Variants in FLT3 observed in about 807,000 individuals in gnomAD.
FLT3 encodes the protein fms related receptor tyrosine kinase 3.
FLT3 carries 46 observed loss-of-function variants against 126.6 expected under a neutral mutation model. The observed-to-expected ratio is 0.36, with a 90% CI of 0.29 to 0.46. FLT3 has a LOEUF of 0.46. Ranked by LOEUF, FLT3 falls within the 20% of genes least tolerant of loss-of-function variation. The probability of loss-of-function intolerance (pLI) is 1.00; values close to 1 mark genes in which losing one functional copy is unlikely to be tolerated. For missense variants in FLT3, 1,069 were observed against 1,190.3 expected, an observed-to-expected ratio of 0.90 and a Z score of 1.50; for synonymous variants, 404 against 434.4, an observed-to-expected ratio of 0.93 and a Z score of 0.87.
chr13:28,030,299 C>A (rs552836806), intron 15 of FLT3, among the ~76,000 whole-genome samples: 1 of 152,306 alleles, frequency 6.6e-6, no homozygotes, highest in African/African-American at 2.4e-5. Flanking sequence ...GGATTCGGGG[C>A]TTTACTTGTT....
intron 5 of FLT3, among the ~76,000 whole-genome samples, chr13:28,052,248 C>T (rs1257871310): frequency 1.3e-5 from 2 of 151,576 alleles, no homozygotes; most frequent in Non-Finnish European, 2.9e-5. Context: ...GTGCCTGCCA[C>T]CACACCCAGT....
chr13:28,078,410 C>T (rs1878103562), intron 1 of FLT3, among the ~76,000 whole-genome samples: 1 of 152,256 alleles, frequency 6.6e-6, no homozygotes, highest in Admixed American at 6.5e-5. Context: ...AGGCTTGTAG[C>T]TTCCACCCTC....
At chr13:28,040,662 G>T (rs540707952) in intron 9 of FLT3, among the ~76,000 whole-genome samples, 48 of 152,272 alleles carry the variant, frequency 3.2e-4, no homozygotes, top group African/African-American at 9.9e-4. Flanking sequence ...GTGAACAAGA[G>T]AATTCATCTC....
At chr13:28,062,237 T>C (rs1334597012) in intron 2 of FLT3, among the ~76,000 whole-genome samples, 168 bp from the exon 3 acceptor site, 1 of 152,170 alleles carries the variant, frequency 6.6e-6, no homozygotes, top group Admixed American at 6.5e-5. Flanking sequence ...TCCTATTAAT[T>C]ATAATTCTCT....
chr13:28,079,960 C>A (rs898275041), intron 1 of FLT3, among the ~76,000 whole-genome samples: 10 of 152,170 alleles, frequency 6.6e-5, no homozygotes, highest in Non-Finnish European at 1.3e-4. Flanking sequence ...CTCTTTTTCA[C>A]AATCATGTCT....
intron 17 of FLT3, chr13:28,025,476 C>A: frequency 2.5e-6 from 1 of 398,572 alleles, no homozygotes; most frequent in Non-Finnish European, 4.9e-6. Flanking sequence ...AAATTCTTCC[C>A]TGAGGAGCTC....
chr13:28,076,089 A>C (rs922922153), intron 1 of FLT3, among the ~76,000 whole-genome samples: 3 of 152,146 alleles, frequency 2.0e-5, no homozygotes, highest in African/African-American at 7.2e-5. Context: ...GAGCCACTGC[A>C]CATGGCCCTT....
intron 1 of FLT3, among the ~76,000 whole-genome samples, chr13:28,091,202 A>ATTTTTTTT (rs1216841402): frequency 2.9e-5 from 1 of 34,144 alleles, no homozygotes; most frequent in African/African-American, 1.2e-4. Flanking sequence ...TTTGGGCCCC[A>ATTTTTTTT]TTTTCTTTTT....
intron 1 of FLT3, among the ~76,000 whole-genome samples, chr13:28,097,565 C>T (rs1879538962): frequency 6.6e-6 from 1 of 152,188 alleles, no homozygotes; most frequent in South Asian, 2.1e-4. Context: ...GGATAATTTA[C>T]TATAGATAGA....
At chr13:28,080,046 A>G (rs997970496) in intron 1 of FLT3, among the ~76,000 whole-genome samples, 1 of 152,222 alleles carries the variant, frequency 6.6e-6, no homozygotes. Context: ...ATCCACCCCC[A>G]GGACCCAAAC....
chr13:28,014,365 A>G, intron 23 of FLT3, 87 bp downstream of exon 23: 1 of 940,340 alleles, frequency 1.1e-6, no homozygotes, highest in South Asian at 1.4e-5. Flanking sequence ...ACAACTTGGT[A>G]CCTTTGGTTC....
chr13:28,070,449 T>G (rs116014403), intron 2 of FLT3, 42 bp downstream of exon 2: 5 of 1,567,618 alleles, frequency 3.2e-6, no homozygotes, highest in Non-Finnish European at 4.4e-6. Context: ...TTACGTTCTC[T>G]AGAGAAAAAC....
chr13:28,034,944 C>CAAAAAAAA (rs34049926), intron 12 of FLT3, among the ~76,000 whole-genome samples: 1 of 149,152 alleles, frequency 6.7e-6, no homozygotes. Context: ...GTCTCCATCT[C>CAAAAAAAA]AAAAAAAAAA....
intron 1 of FLT3, among the ~76,000 whole-genome samples, chr13:28,071,674 C>A (rs141419765): frequency 1.3e-5 from 2 of 152,002 alleles, no homozygotes; most frequent in African/African-American, 4.8e-5. Context: ...CTTTTCTCAC[C>A]GGTTGGTCCG....
intron 1 of FLT3, among the ~76,000 whole-genome samples, chr13:28,099,069 A>C (rs1400463757): frequency 6.6e-6 from 1 of 152,186 alleles, no homozygotes. Flanking sequence ...AGATGTGTGC[A>C]TATTTACTGT....
chr13:28,069,979 G>C (rs1270237955), intron 2 of FLT3, among the ~76,000 whole-genome samples: 5 of 152,140 alleles, frequency 3.3e-5, no homozygotes, highest in Non-Finnish European at 4.4e-5. Flanking sequence ...GCCAGGTGTG[G>C]TGGCATGTGC....
chr13:28,070,705 G>A, intron 1 of FLT3, 93 bp from the exon 2 acceptor site: 1 of 967,638 alleles, frequency 1.0e-6, no homozygotes, highest in Non-Finnish European at 1.5e-6. Flanking sequence ...AAAACAAAGT[G>A]TAATCAGAGG....
chr13:28,045,000 A>T (rs567665053), intron 9 of FLT3, among the ~76,000 whole-genome samples: 39 of 152,358 alleles, frequency 2.6e-4, no homozygotes, highest in African/African-American at 9.1e-4. Context: ...TGTGACATAC[A>T]TACTTATCTG....
chr13:28,024,356 C>T (rs1185265485), intron 18 of FLT3, among the ~76,000 whole-genome samples: 1 of 152,062 alleles, frequency 6.6e-6, no homozygotes, highest in Non-Finnish European at 1.5e-5. Flanking sequence ...TGGTCTTGAA[C>T]TCCTGACCTC....
Sources: gnomAD v4.1 joint callset for allele counts (sites outside exome capture counted in the v4.1 genomes callset) on GRCh38, gnomAD v4.1.1 for gene constraint, MANE v1.5 for transcripts, NCBI Gene and HGNC (gene_info 2026-07-23, HGNC 2026-07-21) for gene names.